Variants in SUFU observed in about 807,000 individuals in gnomAD.
The protein encoded by SUFU is suppressor of fused homolog.
A neutral mutation model predicts 58.9 loss-of-function variants in SUFU; 7 were observed. The ratio of observed to expected loss-of-function variants is 0.12; its 90% CI spans 0.07 to 0.22. The LOEUF (loss-of-function observed/expected upper bound fraction) is 0.22, where lower values mean the gene tolerates loss of function less well. Ranked by LOEUF, SUFU falls within the 10% of genes least tolerant of loss-of-function variation. The pLI is 1.00. For missense variants in SUFU, 451 were observed against 641.3 expected, an observed-to-expected ratio of 0.70 and a Z score of 3.20; for synonymous variants, 232 against 254.8, an observed-to-expected ratio of 0.91 and a Z score of 0.85.
chr10:102,549,836 A>G (rs906002711), intron 2 of SUFU, 134 bp from the exon 3 acceptor site: 5 of 1,182,018 alleles, frequency 4.2e-6, no homozygotes, highest in Non-Finnish European at 6.1e-6. Flanking sequence ...CAAGGCTCAC[A>G]TCCTGGGATA....
At chr10:102,591,365 T>C (rs1252551730) in intron 3 of SUFU, among the ~76,000 whole-genome samples, 2 of 152,066 alleles carry the variant, frequency 1.3e-5, no homozygotes, top group Non-Finnish European at 2.9e-5. Flanking sequence ...CCAGGTGTGG[T>C]GGCACATGCC....
At chr10:102,596,438 C>T (rs576179953) in intron 6 of SUFU, among the ~76,000 whole-genome samples, 3 of 152,252 alleles carry the variant, frequency 2.0e-5, no homozygotes, top group South Asian at 4.1e-4. Context: ...CTCAGCAGTA[C>T]CAAGGCCTGC....
At position 102,580,035 on chromosome 10, in the gene SUFU, C is replaced by CA. The variant is rs58926708; in HGVS notation, c.455-12547_455-12546insA. ...TTTGGGTCTCCTCCCCCGCACCCCC[C>CA]CCCCGCCCCCAGTTTGTTTGCTTTG... On this transcript the variant is annotated intron_variant, in intron 3 of 11. Coordinates refer to ENST00000369902, the MANE Select transcript of SUFU (RefSeq NM_016169.4). Among the ~76,000 whole-genome samples the CA allele has an allele frequency of 2.5e-5, 3 of 121,212 alleles. No individual in the cohort carries two copies. The South Asian group carries it at 8.5e-4, about 34-fold the overall frequency. 79.5% of individuals were successfully genotyped at this position (121,212 alleles called of 152,430 possible). A position where few individuals can be genotyped will look rare whatever the true frequency, so the allele number is the denominator to read the frequency against.
chr10:102,558,085 A>G (rs1254274399), intron 3 of SUFU, among the ~76,000 whole-genome samples: 3 of 151,964 alleles, frequency 2.0e-5, no homozygotes, highest in Non-Finnish European at 4.4e-5. Flanking sequence ...TTTTTAGTAG[A>G]GATACAGGGT....
At chr10:102,591,186 A>C (rs1355973883) in intron 3 of SUFU, 1 of 152,206 alleles carries the variant, frequency 6.6e-6, no homozygotes, top group Non-Finnish European at 1.5e-5. Flanking sequence ...AAAGAATGAG[A>C]TAGCTCTCCA....
intron 3 of SUFU, among the ~76,000 whole-genome samples, chr10:102,592,145 G>A (rs774231099): frequency 1.1e-4 from 16 of 152,072 alleles, no homozygotes; most frequent in South Asian, 2.1e-4. Context: ...TAGGAATTTC[G>A]GTCTGTTTCT....
At chr10:102,553,464 ATT>A (rs150900167) in intron 3 of SUFU, among the ~76,000 whole-genome samples, 18 of 142,532 alleles carry the variant, frequency 1.3e-4, no homozygotes, top group Admixed American at 2.1e-4. Flanking sequence ...ACAAAGGCAA[ATT>A]TTTTTTTTTT....
chr10:102,577,414 A>G (rs573055338), intron 3 of SUFU, among the ~76,000 whole-genome samples: 11 of 151,714 alleles, frequency 7.3e-5, no homozygotes, highest in African/African-American at 2.7e-4. Flanking sequence ...TGGTGTGATC[A>G]TGGGTCACTG....
At position 102,630,273 on chromosome 10, in the gene SUFU, C is replaced by T. The variant is rs2298277; in HGVS notation, c.*118C>T. 0.011 allele frequency: 9,743 copies of T among 918,154 alleles called. 612 individuals are homozygous for T. The East Asian group carries it at 0.16, about 15-fold the overall frequency. The allele number at this position is 918,154 out of a possible 1,614,324, so 56.9% of individuals were successfully genotyped here. ...AAAAGGACAAGTGTGAGGAAGACTGCGCAGTGCCACCCCGCAGCCCAGTGG... is the reference window on the plus strand; with the variant it reads ...AAAAGGACAAGTGTGAGGAAGACTGTGCAGTGCCACCCCGCAGCCCAGTGG... On this transcript the variant is annotated 3_prime_UTR_variant, in exon 12 of 12. Transcript: ENST00000369902.
intron 10 of SUFU, among the ~76,000 whole-genome samples, chr10:102,622,024 G>C (rs1342415194): frequency 6.6e-6 from 1 of 152,210 alleles, no homozygotes; most frequent in Non-Finnish European, 1.5e-5. Context: ...GGAGGTTGTT[G>C]ACAGTCCTCC....
chr10:102,506,005 T>A (rs1180642966), intron 1 of SUFU, among the ~76,000 whole-genome samples: 1 of 120,622 alleles, frequency 8.3e-6, no homozygotes, highest in Non-Finnish European at 1.6e-5. Context: ...GAGACCAGTG[T>A]GGGGAGCGTA....
At chr10:102,616,251 A>C (rs924562661) in intron 9 of SUFU, among the ~76,000 whole-genome samples, 11 of 152,176 alleles carry the variant, frequency 7.2e-5, no homozygotes, top group African/African-American at 2.7e-4. Flanking sequence ...GCACGGCTGC[A>C]TCTGCTACAG....
intron 2 of SUFU, among the ~76,000 whole-genome samples, chr10:102,530,964 A>T (rs2062669994): frequency 1.3e-5 from 2 of 151,036 alleles, no homozygotes; most frequent in Non-Finnish European, 2.9e-5. Flanking sequence ...TTGGCTGTGC[A>T]TGGTGGTTCA....
chr10:102,628,118 C>T lies in SUFU; in HGVS notation c.1365+875C>T, dbSNP rs1590092924. 6.6e-6 allele frequency among the ~76,000 whole-genome samples: 1 copy of T among 152,272 alleles called. No homozygotes were observed. The highest frequency in any genetic ancestry group is 6.5e-5 in the Admixed American group (1 of 15,298). On this transcript the variant is annotated intron_variant, in intron 11 of 11. Coordinates refer to ENST00000369902, the MANE Select transcript of SUFU (RefSeq NM_016169.4). The surrounding 1 kb of genome is among the most constrained non-coding windows in gnomAD (Gnocchi z 4.5). ...AAATGTGCTTGGGGGAGAACTCCTT[C>T]GCCTCCCAGGGGCCAGGCTTTCTAC...
intron 3 of SUFU, among the ~76,000 whole-genome samples, chr10:102,583,628 C>T (rs2063305769): frequency 6.6e-6 from 1 of 152,172 alleles, no homozygotes; most frequent in Admixed American, 6.5e-5. Context: ...GGTCATGGCT[C>T]CAAATCTTTC....
intron 2 of SUFU, 120 bp from the exon 3 acceptor site, chr10:102,549,850 C>T: frequency 1.5e-6 from 2 of 1,321,422 alleles, no homozygotes; most frequent in East Asian, 2.3e-5. Flanking sequence ...TGGGATACTC[C>T]TCTGAATGGA....
intron 8 of SUFU, among the ~76,000 whole-genome samples, chr10:102,603,577 C>G (rs1320345434): frequency 6.6e-6 from 1 of 152,202 alleles, no homozygotes; most frequent in African/African-American, 2.4e-5. Flanking sequence ...ACCATCACTG[C>G]TGAGTTTCTC....
chr10:102,610,021 A>T (rs1590076606), intron 8 of SUFU, among the ~76,000 whole-genome samples: 1 of 152,046 alleles, frequency 6.6e-6, no homozygotes. Context: ...CTTTTTATTT[A>T]TTTATTTTTA....
At chr10:102,612,169 TTGTGTGTGTGTGTGTG>T (rs34032732) in intron 8 of SUFU, among the ~76,000 whole-genome samples, 21,826 of 148,260 alleles carry the variant, frequency 0.15, 2,036 homozygotes, top group East Asian at 0.41. Context: ...AACTGGGTTC[TTGTGTGTGTGTGTGTG>T]TGTGTGTGTG....
Sources: allele counts gnomAD v4.1 joint callset (sites outside exome capture counted in the v4.1 genomes callset), GRCh38; gene constraint gnomAD v4.1.1; non-coding constraint Gnocchi (gnomAD v3.1); transcripts MANE v1.5; gene names NCBI Gene and HGNC (gene_info 2026-07-23, HGNC 2026-07-21).